SAMMSON: variants seen among roughly 807,000 people sequenced by gnomAD.
SAMMSON encodes the protein survival associated mitochondrial melanoma specific oncogenic non-coding RNA, also known as long intergenic non-protein coding RNA 1212.
intron 4 of SAMMSON, among the ~76,000 whole-genome samples, chr3:70,199,696 A>G (rs1196648590): frequency 1.3e-5 from 2 of 152,190 alleles, no homozygotes; most frequent in Non-Finnish European, 2.9e-5. Context: ...GAAAATTTGC[A>G]ACTGTTTGAA....
intron 2 of SAMMSON, among the ~76,000 whole-genome samples, chr3:70,414,051 GA>G (rs1307223719): frequency 2.0e-5 from 3 of 152,048 alleles, no homozygotes; most frequent in Non-Finnish European, 4.4e-5. Flanking sequence ...TAGAATATGA[GA>G]ATAATTATTG....
At chr3:70,202,761 C>G (rs1439513431) in intron 4 of SAMMSON, among the ~76,000 whole-genome samples, 1 of 152,106 alleles carries the variant, frequency 6.6e-6, no homozygotes, top group East Asian at 1.9e-4. Flanking sequence ...CTGTGATGAG[C>G]AAAGTGATAC....
intron 9 of SAMMSON, among the ~76,000 whole-genome samples, chr3:70,363,507 A>G (rs1702893594): frequency 6.6e-6 from 1 of 152,110 alleles, no homozygotes; most frequent in African/African-American, 2.4e-5. Flanking sequence ...CAACATCTAC[A>G]GTCAAGAATC....
intron 4 of SAMMSON, among the ~76,000 whole-genome samples, chr3:70,145,135 C>G (rs1249035038): frequency 6.6e-6 from 1 of 152,064 alleles, no homozygotes; most frequent in Non-Finnish European, 1.5e-5. Context: ...CACAGAAAAC[C>G]CAATGCGATT....
intron 3 of SAMMSON, among the ~76,000 whole-genome samples, chr3:70,045,940 A>G (rs530293837): frequency 6.6e-6 from 1 of 152,252 alleles, no homozygotes; most frequent in South Asian, 2.1e-4. Flanking sequence ...CTAACGAGAA[A>G]CGCAAGGAGA....
intron 3 of SAMMSON, among the ~76,000 whole-genome samples, chr3:70,028,289 G>A (rs746414775): frequency 6.6e-6 from 1 of 151,838 alleles, no homozygotes; most frequent in Non-Finnish European, 1.5e-5. Flanking sequence ...GTTATTTGAT[G>A]AGGAATAGCA....
At chr3:70,203,831 T>C (rs1701266120) in intron 4 of SAMMSON, among the ~76,000 whole-genome samples, 1 of 152,132 alleles carries the variant, frequency 6.6e-6, no homozygotes, top group Admixed American at 6.5e-5. Flanking sequence ...TCTAATATCA[T>C]GTATATTTCT....
chr3:70,356,084 C>T (rs1409953552), intron 8 of SAMMSON, among the ~76,000 whole-genome samples: 4 of 152,126 alleles, frequency 2.6e-5, no homozygotes, highest in Admixed American at 2.0e-4. Context: ...GAATTCCTAA[C>T]ACTTGATTAC....
chr3:70,347,697 C>A (rs911948259), intron 7 of SAMMSON, among the ~76,000 whole-genome samples: 1 of 152,072 alleles, frequency 6.6e-6, no homozygotes, highest in African/African-American at 2.4e-5. Flanking sequence ...AAGTTTATAC[C>A]CTAGTGTGTG....
intron 6 of SAMMSON, among the ~76,000 whole-genome samples, chr3:70,273,281 T>C (rs1701991342): frequency 6.6e-6 from 1 of 152,242 alleles, no homozygotes. Flanking sequence ...CTTAGTCGAC[T>C]CAACAATTTC....
intron 4 of SAMMSON, among the ~76,000 whole-genome samples, chr3:70,142,413 A>C (rs2067531321): frequency 6.6e-6 from 1 of 152,238 alleles, no homozygotes; most frequent in South Asian, 2.1e-4. Context: ...GGAGACTATC[A>C]TTCTAAGTGA....
chr3:70,345,489 C>G (rs897326030), intron 7 of SAMMSON, among the ~76,000 whole-genome samples: 7 of 152,146 alleles, frequency 4.6e-5, no homozygotes, highest in African/African-American at 1.7e-4. Flanking sequence ...TCTCTAACCT[C>G]CTAAATAATT....
At chr3:70,340,425 C>T (rs1404796062) in intron 7 of SAMMSON, among the ~76,000 whole-genome samples, 6 of 151,432 alleles carry the variant, frequency 4.0e-5, no homozygotes, top group Admixed American at 4.0e-4. Flanking sequence ...CTTAGAAAGC[C>T]CTGCTTGAAA....
chr3:70,368,452 T>C (rs1195754886), intron 9 of SAMMSON, among the ~76,000 whole-genome samples: 1 of 151,644 alleles, frequency 6.6e-6, no homozygotes, highest in Non-Finnish European at 1.5e-5. Flanking sequence ...AATTTGTAGA[T>C]GGTCTTTATT....
chr3:70,351,875 C>T (rs1217893555), intron 7 of SAMMSON, among the ~76,000 whole-genome samples: 2 of 152,026 alleles, frequency 1.3e-5, no homozygotes, highest in Admixed American at 6.6e-5. Flanking sequence ...GACTCTAGAC[C>T]TCCTCACTGA....
intron 7 of SAMMSON, among the ~76,000 whole-genome samples, chr3:70,330,919 T>G (rs971177112): frequency 6.6e-6 from 1 of 152,168 alleles, no homozygotes; most frequent in Non-Finnish European, 1.5e-5. Context: ...TAAATATAAT[T>G]TTATACACTT....
At chr3:70,202,577 C>T (rs190963769) in intron 4 of SAMMSON, among the ~76,000 whole-genome samples, 4 of 152,254 alleles carry the variant, frequency 2.6e-5, no homozygotes, top group African/African-American at 9.6e-5. Context: ...TATTGAAGTG[C>T]CCACCTGGCT....
intron 4 of SAMMSON, among the ~76,000 whole-genome samples, chr3:70,092,274 A>G (rs533504950): frequency 1.3e-5 from 2 of 152,178 alleles, no homozygotes; most frequent in Non-Finnish European, 2.9e-5. Flanking sequence ...TTTTGTGGGC[A>G]CATAGTAGAT....
downstream of SAMMSON, among the ~76,000 whole-genome samples, chr3:70,390,708 C>G (rs1216731360): frequency 2.6e-5 from 4 of 152,074 alleles, no homozygotes; most frequent in Non-Finnish European, 5.9e-5. Context: ...TCACCTCCAC[C>G]ATCAGGGCTT....
Sources: gnomAD v4.1 joint callset for allele counts (sites outside exome capture counted in the v4.1 genomes callset) on GRCh38, gnomAD v4.1.1 for gene constraint, MANE v1.5 for transcripts, NCBI Gene and HGNC (gene_info 2026-07-23, HGNC 2026-07-21) for gene names.